DCC: variants seen among roughly 807,000 people sequenced by gnomAD.
DCC encodes DCC netrin 1 receptor.
DCC carries 58 observed loss-of-function variants against 172.5 expected under a neutral mutation model. The observed-to-expected ratio is 0.34, with a 90% CI of 0.27 to 0.42. The LOEUF (loss-of-function observed/expected upper bound fraction) is 0.42, where lower values mean the gene tolerates loss of function less well. Ranked by LOEUF, DCC falls within the 10% of genes least tolerant of loss-of-function variation. The pLI is 1.00. For synonymous variants in DCC, 709 were observed against 644.5 expected (o/e 1.10, Z -1.52); for missense variants, 1,740 against 1,791.0 (o/e 0.97, Z 0.51).
At chr18:53,395,273 T>C (rs1297555879) in intron 17 of DCC, among the ~76,000 whole-genome samples, 1 of 152,334 alleles carries the variant, frequency 6.6e-6, no homozygotes, top group East Asian at 1.9e-4. Context: ...TGTAGCTTTC[T>C]ATGAGGTTTT....
intron 2 of DCC, among the ~76,000 whole-genome samples, chr18:52,800,376 T>G (rs1207295462): frequency 6.6e-6 from 1 of 152,240 alleles, no homozygotes; most frequent in African/African-American, 2.4e-5. Context: ...GATAGTATTC[T>G]ATTTTTACAA....
chr18:52,587,510 C>T (rs1752336035), intron 1 of DCC, among the ~76,000 whole-genome samples: 1 of 152,230 alleles, frequency 6.6e-6, no homozygotes, highest in South Asian at 2.1e-4. Context: ...CCACAAACCT[C>T]TTCCCCAAAT....
intron 8 of DCC, among the ~76,000 whole-genome samples, chr18:53,166,639 T>C (rs1352765971): frequency 6.6e-6 from 1 of 152,196 alleles, no homozygotes; most frequent in African/African-American, 2.4e-5. Context: ...CAAGTGTGTA[T>C]TAGATGTTGA....
intron 5 of DCC, among the ~76,000 whole-genome samples, chr18:53,001,955 C>T (rs1416523287): frequency 1.3e-5 from 2 of 152,028 alleles, no homozygotes; most frequent in African/African-American, 4.8e-5. Flanking sequence ...GCCTTTACCC[C>T]ATGAAAAACA....
At chr18:52,480,103 G>A (rs1441368459) in intron 1 of DCC, among the ~76,000 whole-genome samples, 2 of 152,156 alleles carry the variant, frequency 1.3e-5, no homozygotes, top group Admixed American at 6.5e-5. Flanking sequence ...CAGCCAGTGA[G>A]TATAAGAGCT....
chr18:52,430,376 C>G (rs532551046), intron 1 of DCC, among the ~76,000 whole-genome samples: 1 of 145,676 alleles, frequency 6.9e-6, no homozygotes, highest in East Asian at 1.9e-4. Flanking sequence ...GTGAATGCAA[C>G]ATACTTTTAC....
chr18:52,569,158 GC>G lies in DCC; in HGVS notation c.92-182894del, dbSNP rs149847129. Reference sequence around the variant, plus strand: ...CAGCTACATAGCCGTCCAGCACTTTGCCATCAATCTGTACTGTGTGTGAAGC... The same window carrying G: ...CAGCTACATAGCCGTCCAGCACTTTGCATCAATCTGTACTGTGTGTGAAGC... On this transcript the variant is annotated intron_variant, in intron 1 of 28. Coordinates refer to ENST00000442544, the MANE Select transcript of DCC (RefSeq NM_005215.4). 3.3e-5 allele frequency among the ~76,000 whole-genome samples: 5 copies of G among 152,298 alleles called. No homozygotes were observed. In the East Asian group the frequency reaches 9.7e-4, roughly 29 times the overall value.
At chr18:53,261,511 T>G (rs140925982) in intron 12 of DCC, among the ~76,000 whole-genome samples, 1 of 152,260 alleles carries the variant, frequency 6.6e-6, no homozygotes, top group Non-Finnish European at 1.5e-5. Flanking sequence ...CAACTTAATC[T>G]GATAGGCTCA....
At chr18:52,926,953 C>A (rs1189966053) in intron 5 of DCC, among the ~76,000 whole-genome samples, 7 of 102,716 alleles carry the variant, frequency 6.8e-5, no homozygotes, top group Non-Finnish European at 1.1e-4. Context: ...ATGATATATA[C>A]ACTATATATG....
rs59898050 is a variant in DCC at position 53,090,698 on chromosome 18, CAAAAAAAAAAAAAAAA to C, written c.1261+24553_1261+24568del. On this transcript the variant is annotated intron_variant, in intron 7 of 28. Coordinates refer to ENST00000442544, the MANE Select transcript of DCC (RefSeq NM_005215.4). ...GACAGAGCGAAACTCCGTCCCCCAA[CAAAAAAAAAAAAAAAA>C]AAAAAAAAAAAAAAAAAAAAGAATG... is the stretch of plus-strand genomic sequence containing the variant. Among the ~76,000 whole-genome samples, 362 of 39,360 alleles carry C rather than the reference CAAAAAAAAAAAAAAAA, an allele frequency of 9.2e-3. 9 individuals carry two copies. Among genetic ancestry groups the C allele is most frequent in the Admixed American group, 0.053 (112 of 2,104 alleles). 25.8% of individuals were successfully genotyped at this position (39,360 alleles called of 152,430 possible). A position where few individuals can be genotyped will look rare whatever the true frequency, so the allele number is the denominator to read the frequency against.
intron 8 of DCC, among the ~76,000 whole-genome samples, chr18:53,177,239 G>A (rs139549558): frequency 1.7e-3 from 258 of 152,096 alleles, no homozygotes; most frequent in Non-Finnish European, 3.0e-3. Flanking sequence ...TAGATGACGA[G>A]TTAGTGGGTG....
chr18:53,175,193 A>G (rs1598875987), intron 8 of DCC, among the ~76,000 whole-genome samples: 1 of 152,180 alleles, frequency 6.6e-6, no homozygotes, highest in Admixed American at 6.5e-5. Context: ...AATAAGAGCT[A>G]TCTATGACAA....
At chr18:52,869,621 T>C (rs2039285845) in intron 2 of DCC, among the ~76,000 whole-genome samples, 2 of 152,192 alleles carry the variant, frequency 1.3e-5, no homozygotes, top group Admixed American at 1.3e-4. Flanking sequence ...GCACCCAGAC[T>C]GCTCATGCCG....
At chr18:53,170,671 A>G (rs1428136837) in intron 8 of DCC, among the ~76,000 whole-genome samples, 1 of 152,198 alleles carries the variant, frequency 6.6e-6, no homozygotes, top group South Asian at 2.1e-4. Context: ...ATCAGGTGCC[A>G]TGTATTTTTC....
At chr18:52,770,966 G>A (rs1041188962) in intron 2 of DCC, among the ~76,000 whole-genome samples, 3 of 152,176 alleles carry the variant, frequency 2.0e-5, no homozygotes, top group African/African-American at 2.4e-5. Flanking sequence ...TGAGGAAGAC[G>A]GGACAATGTT....
chr18:53,425,268 A>G (rs771436522), intron 21 of DCC, among the ~76,000 whole-genome samples: 1 of 151,490 alleles, frequency 6.6e-6, no homozygotes, highest in Non-Finnish European at 1.5e-5. Context: ...ATCTCAAGTC[A>G]TACATACCTA....
chr18:53,039,435 A>G (rs2042139504), intron 5 of DCC, among the ~76,000 whole-genome samples: 1 of 152,052 alleles, frequency 6.6e-6, no homozygotes, highest in African/African-American at 2.4e-5. Flanking sequence ...TCTGTAAGGA[A>G]TATTTGCCAG....
At chr18:52,925,861 A>C (rs960808623) in intron 5 of DCC, among the ~76,000 whole-genome samples, 4 of 151,726 alleles carry the variant, frequency 2.6e-5, no homozygotes, top group African/African-American at 9.7e-5. Context: ...TGTAAGGAAA[A>C]GTTGCATAGC....
chr18:52,899,634 C>A (rs1598910873), intron 2 of DCC, among the ~76,000 whole-genome samples: 2 of 151,826 alleles, frequency 1.3e-5, no homozygotes, highest in Non-Finnish European at 2.9e-5. Context: ...GGATTACGGG[C>A]ATGAGCCACC....
Sources: allele counts gnomAD v4.1 joint callset (sites outside exome capture counted in the v4.1 genomes callset), GRCh38; gene constraint gnomAD v4.1.1; transcripts MANE v1.5; gene names NCBI Gene and HGNC (gene_info 2026-07-23, HGNC 2026-07-21).